Variants in NUSAP1 observed in about 807,000 individuals in gnomAD.
NUSAP1 encodes the protein nucleolar and spindle-associated protein 1.
A neutral mutation model predicts 52.8 loss-of-function variants in NUSAP1; 32 were observed. That is an observed-to-expected ratio of 0.61 (90% CI 0.46 to 0.81). The LOEUF is 0.81. Ranked by LOEUF, NUSAP1 falls within the 40% of genes least tolerant of loss-of-function variation. The pLI is 0.00. For synonymous variants in NUSAP1, 195 were observed against 183.1 expected (o/e 1.06, Z -0.52); for missense variants, 499 against 522.3 (o/e 0.96, Z 0.43).
chr15:41,377,869 CGGGCG>C (rs1258822965), intron 10 of NUSAP1, among the ~76,000 whole-genome samples: 1 of 150,734 alleles, frequency 6.6e-6, no homozygotes, highest in Admixed American at 6.7e-5. Flanking sequence ...GGCGTGGTGG[CGGGCG>C]CCTGTAGTCC....
In NUSAP1 at chr15:41,349,124, T is replaced by G. The variant is rs757874070; in HGVS notation, c.189T>G (p.Ser63=). ...NQDESQTSAS[S]CDETEIQISN... ...ATGAAAGTCAAACTTCTGCATCCTC[T>G]TGTGATGAGACTGAGATACAGATCA... is the stretch of plus-strand genomic sequence containing the variant. The change falls in exon 3 of 11, where the codon TCT becomes TCG. Residue 63 remains serine, a synonymous_variant. Transcript: ENST00000559596. 21 of 1,613,804 alleles carry G rather than the reference T, an allele frequency of 1.3e-5. No homozygotes were observed. The Middle Eastern group carries it at 4.9e-4, about 38-fold the overall frequency.
At chr15:41,364,056 T>C (rs1402603723) in intron 6 of NUSAP1, among the ~76,000 whole-genome samples, 2 of 152,130 alleles carry the variant, frequency 1.3e-5, no homozygotes, top group Non-Finnish European at 2.9e-5. Flanking sequence ...GGTCATGAAC[T>C]CCTGGGCTTA....
chr15:41,371,727 G>GC, intron 8 of NUSAP1, 43 bp downstream of exon 8: 1 of 1,553,670 alleles, frequency 6.4e-7, no homozygotes, highest in East Asian at 2.3e-5. Context: ...TCATTTTTAA[G>GC]CCATGTAACT....
chr15:41,357,775 T>C (rs2049026885), intron 5 of NUSAP1, among the ~76,000 whole-genome samples: 1 of 152,172 alleles, frequency 6.6e-6, no homozygotes, highest in Non-Finnish European at 1.5e-5. Flanking sequence ...TAGCCCTTTA[T>C]AGAATAAATT....
At chr15:41,339,076 T>C (rs1189977272) in intron 1 of NUSAP1, among the ~76,000 whole-genome samples, 2 of 152,158 alleles carry the variant, frequency 1.3e-5, no homozygotes, top group Non-Finnish European at 2.9e-5. Context: ...AGAAACTTAG[T>C]TTGACCCTGA....
chr15:41,354,744 C>T (rs546032802), intron 4 of NUSAP1, among the ~76,000 whole-genome samples: 4 of 151,092 alleles, frequency 2.6e-5, no homozygotes, highest in South Asian at 4.2e-4. Flanking sequence ...CAGGGCAGGG[C>T]GCGGTGGCTC....
rs1335578462 is a variant in NUSAP1, at chr15:41,380,782, A to G, written c.*596A>G. 6.6e-6 allele frequency: 1 copy of G among 152,202 alleles called. No homozygotes were observed. The highest frequency in any genetic ancestry group is 1.5e-5 in the Non-Finnish European group (1 of 68,104). The allele number at this position is 152,202 out of a possible 1,614,324, so 9.4% of individuals were successfully genotyped here. On this transcript the variant is annotated 3_prime_UTR_variant, in exon 11 of 11. Transcript: ENST00000559596. ...CACTCACTATATTCACAAAAATAAAACTCTACAACTCATTCTAACATTGCT... is the reference window on the plus strand; with the variant it reads ...CACTCACTATATTCACAAAAATAAAGCTCTACAACTCATTCTAACATTGCT...
In NUSAP1 at chr15:41,375,828, G is replaced by A; in HGVS notation, c.1123G>A (p.Gly375Arg). The A allele has an allele frequency of 1.3e-6, 2 of 1,592,352 alleles. No individual in the cohort carries two copies. Among genetic ancestry groups the A allele is most frequent in the East Asian group, 2.2e-5 (1 of 44,746 alleles). ...TCCCCTCAACTATGAACCACACAAA[G>A]GTATGTGGGAGTGTTTTGAGCTACA... is the stretch of plus-strand genomic sequence containing the variant. ...SRPLNYEPHKGKLKPWGQSKE... is the reference protein window; with the variant it reads ...SRPLNYEPHKRKLKPWGQSKE... The change falls in exon 9 of 11, where the codon GGA becomes AGA. Residue 375 changes from glycine to arginine, a missense_variant and splice_region_variant. By Grantham distance (125) the Gly-to-Arg change is moderately radical. Transcript: ENST00000559596.
chr15:41,342,323 A>T, intron 1 of NUSAP1, 63 bp from the exon 2 acceptor site: 7 of 1,138,864 alleles, frequency 6.1e-6, no homozygotes, highest in Non-Finnish European at 9.0e-6. Flanking sequence ...ACAGCAAAAA[A>T]TATTCAACGT....
At chr15:41,379,922 G>A (rs957118693) in intron 10 of NUSAP1, among the ~76,000 whole-genome samples, 171 bp from the exon 11 acceptor site, 5 of 152,074 alleles carry the variant, frequency 3.3e-5, no homozygotes, top group Non-Finnish European at 7.3e-5. Flanking sequence ...CAACAATGAC[G>A]AACAGGTGTT....
Position 41,356,138 on chromosome 15 carries a change from C to T in NUSAP1, c.548C>T (p.Pro183Leu). 1 of 1,574,318 alleles carries T rather than the reference C, an allele frequency of 6.4e-7. No individual in the cohort carries two copies. Among genetic ancestry groups the T allele is most frequent in the Admixed American group, 1.7e-5 (1 of 58,318 alleles). ...AATAAAAGAACTGCAATCACTACTC[C>T]AAGTAAGTTTTGTAGACAAAGCCAT... ...GKNKRTAITT[P>L]NFKKLHEAHF... is the part of the protein sequence containing the mutation. The change falls in exon 5 of 11, where the codon CCA becomes CTA. Residue 183 changes from proline (P) to leucine (L), a missense_variant and splice_region_variant. Pro to Leu is a moderately conservative substitution (Grantham distance 98). Transcript: ENST00000559596.
intron 1 of NUSAP1, 134 bp downstream of exon 1, chr15:41,333,184 G>A: frequency 1.5e-6 from 1 of 663,986 alleles, no homozygotes; most frequent in Non-Finnish European, 2.6e-6. Context: ...AGTAGATGTG[G>A]TTCACGGTAG....
chr15:41,378,788 T>G (rs2050081111), intron 10 of NUSAP1, among the ~76,000 whole-genome samples: 1 of 148,736 alleles, frequency 6.7e-6, no homozygotes, highest in East Asian at 2.0e-4. Context: ...AAAAAAGAAA[T>G]CAAAGTCAAA....
chr15:41,365,198 C>G (rs937192739), intron 6 of NUSAP1, among the ~76,000 whole-genome samples: 2 of 152,130 alleles, frequency 1.3e-5, no homozygotes, highest in African/African-American at 2.4e-5. Context: ...GATGTAGTCT[C>G]GCTCTGTTGC....
At chr15:41,361,615 T>A (rs1019561946) in intron 6 of NUSAP1, among the ~76,000 whole-genome samples, 5 of 152,136 alleles carry the variant, frequency 3.3e-5, no homozygotes, top group African/African-American at 1.2e-4. Flanking sequence ...ATGACATAAT[T>A]TTCTAAGTAA....
intron 3 of NUSAP1, chr15:41,349,540 C>A: frequency 4.1e-6 from 1 of 246,852 alleles, no homozygotes; most frequent in Admixed American, 4.9e-5. Flanking sequence ...GAGAAACAAG[C>A]ATTAAATGTG....
intron 2 of NUSAP1, among the ~76,000 whole-genome samples, chr15:41,343,965 C>A (rs1567043497): frequency 6.6e-6 from 1 of 151,186 alleles, no homozygotes; most frequent in African/African-American, 2.4e-5. Flanking sequence ...CACCTGTAAT[C>A]CCAGCACTTT....
chr15:41,365,430 G>A lies in NUSAP1; in HGVS notation c.689G>A (p.Arg230Lys), dbSNP rs368409037. 1.5e-4 allele frequency: 234 copies of A among 1,612,232 alleles called. No individual in the cohort carries two copies. Among genetic ancestry groups the A allele is most frequent in the Non-Finnish European group, 1.8e-4 (216 of 1,179,074 alleles). ...KQQPINKGGV[R>K]TPVPPRGRLS... ...CAGCCCATCAATAAGGGAGGGGTCA[G>A]GACTCCAGTACCTCCAAGAGGAAGA... Residue 230 changes from arginine (R) to lysine (K), a missense_variant, in exon 7 of 11, where the codon AGG becomes AAG. By Grantham distance (26) the Arg-to-Lys change is conservative. Transcript: ENST00000559596.
At chr15:41,373,807 A>G (rs543863846) in intron 8 of NUSAP1, among the ~76,000 whole-genome samples, 2 of 152,104 alleles carry the variant, frequency 1.3e-5, no homozygotes, top group South Asian at 4.2e-4. Flanking sequence ...ACTTTAAACA[A>G]TCCTCCTGCC....
Sources: allele counts gnomAD v4.1 joint callset (sites outside exome capture counted in the v4.1 genomes callset), GRCh38; gene constraint gnomAD v4.1.1; transcripts MANE v1.5; gene names NCBI Gene and HGNC (gene_info 2026-07-23, HGNC 2026-07-21).